The following PARD3 variants were observed in gnomAD, a reference collection of about 807,000 sequenced individuals.
PARD3 encodes par-3 family cell polarity regulator.
Under a neutral mutation model 155.4 loss-of-function variants are expected in PARD3, and 75 were observed. The ratio of observed to expected loss-of-function variants is 0.48; its 90% CI spans 0.40 to 0.58. PARD3 has a LOEUF of 0.58. Among genes scored for constraint, PARD3 ranks in the 20% least tolerant of loss-of-function variants. The pLI, the probability that PARD3 is intolerant of heterozygous loss-of-function variation, is 0.00. For missense variants in PARD3, 1,642 were observed against 1,721.7 expected (o/e 0.95, Z 0.82); for synonymous variants, 576 against 610.5 (o/e 0.94, Z 0.83).
intron 14 of PARD3, among the ~76,000 whole-genome samples, chr10:34,350,221 T>C (rs1837895899): frequency 1.3e-5 from 2 of 152,198 alleles, no homozygotes; most frequent in Non-Finnish European, 2.9e-5. Flanking sequence ...GAAATAGAAA[T>C]GTGTCAGAGG....
chr10:34,603,564 A>G (rs2089971745), intron 2 of PARD3, among the ~76,000 whole-genome samples: 1 of 152,144 alleles, frequency 6.6e-6, no homozygotes, highest in Non-Finnish European at 1.5e-5. Context: ...GGGGTTTCCA[A>G]GTCAATCAGA....
intron 2 of PARD3, among the ~76,000 whole-genome samples, chr10:34,654,520 G>T (rs986191119): frequency 3.3e-5 from 5 of 152,168 alleles, no homozygotes; most frequent in African/African-American, 1.2e-4. Context: ...TCTACAGAAT[G>T]GCACAAGTTC....
intron 23 of PARD3, among the ~76,000 whole-genome samples, chr10:34,130,855 A>G (rs984357889): frequency 2.0e-5 from 3 of 152,176 alleles, no homozygotes; most frequent in African/African-American, 7.2e-5. Flanking sequence ...GAGCCTAGGA[A>G]TTTGAGACCA....
chr10:34,191,766 A>C (rs571548858), intron 22 of PARD3, among the ~76,000 whole-genome samples: 13 of 152,296 alleles, frequency 8.5e-5, no homozygotes, highest in African/African-American at 2.9e-4. Flanking sequence ...CCAACTCCCC[A>C]GTGAAGAACA....
intron 2 of PARD3, among the ~76,000 whole-genome samples, chr10:34,552,066 C>A (rs985746069): frequency 1.3e-5 from 2 of 152,150 alleles, no homozygotes; most frequent in African/African-American, 4.8e-5. Context: ...GACCTCTAAT[C>A]CTATTTCCCA....
chr10:34,537,106 G>A (rs2083281810), intron 2 of PARD3, among the ~76,000 whole-genome samples: 4 of 152,152 alleles, frequency 2.6e-5, no homozygotes, highest in African/African-American at 4.8e-5. Flanking sequence ...GGACTCAAAC[G>A]ATCCTCTCAC....
chr10:34,616,797 T>C (rs964084532), intron 2 of PARD3, among the ~76,000 whole-genome samples: 2 of 151,762 alleles, frequency 1.3e-5, no homozygotes, highest in Admixed American at 1.3e-4. Flanking sequence ...AAGCCAGGTA[T>C]GGTGGCATGG....
chr10:34,452,006 C>T (rs2132815666), intron 4 of PARD3, among the ~76,000 whole-genome samples: 1 of 152,068 alleles, frequency 6.6e-6, no homozygotes, highest in East Asian at 1.9e-4. Flanking sequence ...TCAGATAAGT[C>T]ATAAAGGGTA....
At chr10:34,493,902 A>G (rs953884911) in intron 3 of PARD3, among the ~76,000 whole-genome samples, 1 of 152,188 alleles carries the variant, frequency 6.6e-6, no homozygotes, top group African/African-American at 2.4e-5. Flanking sequence ...TGGAAATACC[A>G]TATTACAGTT....
At chr10:34,665,068 A>G (rs1322362427) in intron 2 of PARD3, among the ~76,000 whole-genome samples, 1 of 152,156 alleles carries the variant, frequency 6.6e-6, no homozygotes, top group African/African-American at 2.4e-5. Context: ...AGGCAATATA[A>G]GTAAAACCAC....
chr10:34,778,452 C>T (rs920455115), intron 1 of PARD3, among the ~76,000 whole-genome samples: 1 of 152,158 alleles, frequency 6.6e-6, no homozygotes, highest in African/African-American at 2.4e-5. Flanking sequence ...GAACAGACTT[C>T]GTTTGTGTTG....
intron 3 of PARD3, among the ~76,000 whole-genome samples, chr10:34,495,193 C>T (rs997758279): frequency 1.3e-5 from 2 of 151,516 alleles, no homozygotes; most frequent in Admixed American, 6.6e-5. Flanking sequence ...CAAACAAAAA[C>T]CCACAACTCA....
chr10:34,480,638 C>T (rs1032185029), intron 3 of PARD3, among the ~76,000 whole-genome samples: 5 of 152,258 alleles, frequency 3.3e-5, no homozygotes, highest in East Asian at 1.9e-4. Flanking sequence ...CACACCCCAA[C>T]AAAGTAGGAA....
chr10:34,621,929 AT>A (rs1479906072), intron 2 of PARD3, among the ~76,000 whole-genome samples: 7 of 152,250 alleles, frequency 4.6e-5, no homozygotes, highest in African/African-American at 1.7e-4. Context: ...GTAACAGTCC[AT>A]GTAAGTTGAA....
At position 34,451,978 on chromosome 10, in the gene PARD3, C is replaced by G. The variant is rs1045594098; in HGVS notation, c.583-1530G>C. Among the ~76,000 whole-genome samples the G allele has an allele frequency of 1.8e-4, 28 of 151,664 alleles. 1 individual carries two copies. Among genetic ancestry groups the G allele is most frequent in the Non-Finnish European group, 2.9e-5 (2 of 67,806 alleles). ...GATAAGCTTATTCTGATAAGACTTT[C>G]TTATACTAATAAGAAATTCAGATAA... On this transcript the variant is annotated intron_variant, in intron 4 of 24. Transcript: ENST00000374788.
At chr10:34,722,598 C>A (rs1460094917) in intron 1 of PARD3, among the ~76,000 whole-genome samples, 2 of 152,282 alleles carry the variant, frequency 1.3e-5, no homozygotes, top group Admixed American at 1.3e-4. Context: ...CTCTCCAGGG[C>A]AGGACACTTT....
At chr10:34,264,940 G>A (rs897014196) in intron 22 of PARD3, among the ~76,000 whole-genome samples, 4 of 152,044 alleles carry the variant, frequency 2.6e-5, no homozygotes, top group African/African-American at 9.7e-5. Context: ...TTGTAGAGAC[G>A]GGGTCTCACT....
At chr10:34,283,545 T>C (rs780858155) in intron 21 of PARD3, among the ~76,000 whole-genome samples, 15 of 152,238 alleles carry the variant, frequency 9.9e-5, no homozygotes, top group East Asian at 3.9e-4. Context: ...GTTCTCAACA[T>C]GGAAATGATT....
intron 4 of PARD3, among the ~76,000 whole-genome samples, chr10:34,464,642 A>G (rs921363616): frequency 2.0e-5 from 3 of 152,200 alleles, no homozygotes; most frequent in Non-Finnish European, 4.4e-5. Flanking sequence ...AACAGAAAAA[A>G]CCATCAAATA....
Sources: allele counts gnomAD v4.1 joint callset (sites outside exome capture counted in the v4.1 genomes callset), GRCh38; gene constraint gnomAD v4.1.1; transcripts MANE v1.5; gene names NCBI Gene and HGNC (gene_info 2026-07-23, HGNC 2026-07-21).